Variants in CFAP299 observed in about 807,000 individuals in gnomAD.
The protein encoded by CFAP299 is cilia and flagella associated protein 299.
In CFAP299, 21 loss-of-function variants were observed where a neutral mutation model predicts 27.0. That is an observed-to-expected ratio of 0.78 (90% CI 0.55 to 1.12). CFAP299 has a LOEUF of 1.12. Among genes scored for constraint, CFAP299 ranks in the 50% most tolerant of loss-of-function variants. The pLI is 0.00. For missense variants in CFAP299, 310 were observed against 276.6 expected, an observed-to-expected ratio of 1.12 and a Z score of -0.86; for synonymous variants, 104 against 98.1, an observed-to-expected ratio of 1.06 and a Z score of -0.36.
intron 3 of CFAP299, among the ~76,000 whole-genome samples, chr4:80,856,704 A>T (rs1018925098): frequency 7.2e-5 from 11 of 152,196 alleles, no homozygotes; most frequent in Non-Finnish European, 1.2e-4. Context: ...CTCAAAGATC[A>T]GATAGTTGTA....
intron 2 of CFAP299, among the ~76,000 whole-genome samples, chr4:80,569,715 A>G (rs1400888772): frequency 1.3e-5 from 2 of 152,054 alleles, no homozygotes; most frequent in East Asian, 3.9e-4. Context: ...TTCCACATTA[A>G]TAGTAATATC....
At chr4:80,457,469 A>G (rs2110102727) in intron 2 of CFAP299, among the ~76,000 whole-genome samples, 1 of 152,282 alleles carries the variant, frequency 6.6e-6, no homozygotes, top group South Asian at 2.1e-4. Context: ...GCCCATGTGA[A>G]TGGAGGCAAG....
intron 3 of CFAP299, among the ~76,000 whole-genome samples, chr4:80,866,127 A>G (rs2110164323): frequency 7.6e-6 from 1 of 131,400 alleles, no homozygotes; most frequent in Admixed American, 8.5e-5. Context: ...TTTTACACAT[A>G]TGTAACCATA....
intron 3 of CFAP299, among the ~76,000 whole-genome samples, chr4:80,848,424 C>A (rs904023959): frequency 6.6e-6 from 1 of 152,102 alleles, no homozygotes; most frequent in Non-Finnish European, 1.5e-5. Context: ...AGGCTACCAA[C>A]CTGTGCAATG....
At chr4:80,366,819 C>A (rs1290754644) in intron 2 of CFAP299, among the ~76,000 whole-genome samples, 1 of 152,060 alleles carries the variant, frequency 6.6e-6, no homozygotes, top group Non-Finnish European at 1.5e-5. Context: ...AACCCATCAA[C>A]TGATGAATGG....
In CFAP299 at chr4:80,507,059, CA is replaced by C. The variant is rs541507823; in HGVS notation, c.243-76033del. ...AGTTTAAAGGAAGCAATTTCTTAAT[CA>C]TTTTAAACCCAATTTCAAGTTGTTC... is the stretch of plus-strand genomic sequence containing the variant. On this transcript the variant is annotated intron_variant, in intron 2 of 5. Coordinates refer to ENST00000358105, the MANE Select transcript of CFAP299 (RefSeq NM_152770.3). 6.4e-4 allele frequency among the ~76,000 whole-genome samples: 98 copies of C among 152,224 alleles called. 1 individual carries two copies. The highest frequency in any genetic ancestry group is 2.2e-3 in the African/African-American group (92 of 41,554).
At chr4:80,606,461 G>T (rs1198522150) in intron 3 of CFAP299, among the ~76,000 whole-genome samples, 1 of 152,212 alleles carries the variant, frequency 6.6e-6, no homozygotes, top group East Asian at 1.9e-4. Flanking sequence ...CTTGAACCTG[G>T]GAAGCAGAGG....
At chr4:80,427,506 C>G (rs1727584628) in intron 2 of CFAP299, among the ~76,000 whole-genome samples, 1 of 152,126 alleles carries the variant, frequency 6.6e-6, no homozygotes, top group South Asian at 2.1e-4. Flanking sequence ...ATCTCACGGA[C>G]CTTTTCAGGT....
At chr4:80,952,584 T>C (rs2110237690) in intron 5 of CFAP299, among the ~76,000 whole-genome samples, 1 of 152,318 alleles carries the variant, frequency 6.6e-6, no homozygotes, top group East Asian at 1.9e-4. Flanking sequence ...TGTCTATTAT[T>C]GTACAGGTGC....
chr4:80,864,526 A>G (rs1011298480), intron 3 of CFAP299, among the ~76,000 whole-genome samples: 45 of 147,602 alleles, frequency 3.0e-4, no homozygotes, highest in African/African-American at 9.1e-4. Flanking sequence ...ATACGTATAT[A>G]TACATATACG....
intron 3 of CFAP299, among the ~76,000 whole-genome samples, chr4:80,611,550 C>T (rs1737979768): frequency 1.3e-5 from 2 of 152,018 alleles, no homozygotes; most frequent in Non-Finnish European, 2.9e-5. Flanking sequence ...AGCAGGTGCA[C>T]CTGTGTAGCC....
At chr4:80,929,432 CCACTATACATCCAGTCTCTATGGCAT>C in intron 4 of CFAP299, among the ~76,000 whole-genome samples, 5 of 148,980 alleles carry the variant, frequency 3.4e-5, no homozygotes, top group African/African-American at 1.3e-4. Flanking sequence ...CTCTATGGCA[CCACTATACATCCAGTCTCTATGGCAT>C]CACTATCTAT....
At chr4:80,591,488 G>A (rs891054380) in intron 3 of CFAP299, among the ~76,000 whole-genome samples, 1 of 152,094 alleles carries the variant, frequency 6.6e-6, no homozygotes, top group Non-Finnish European at 1.5e-5. Context: ...GAACTTTGGC[G>A]TGGCACCTCA....
At chr4:80,834,694 A>G (rs1213485751) in intron 3 of CFAP299, among the ~76,000 whole-genome samples, 1 of 152,158 alleles carries the variant, frequency 6.6e-6, no homozygotes, top group Non-Finnish European at 1.5e-5. Flanking sequence ...TGGACTAATA[A>G]ATTATCACTA....
chr4:80,859,986 G>T (rs972904727), intron 3 of CFAP299, among the ~76,000 whole-genome samples: 1 of 152,120 alleles, frequency 6.6e-6, no homozygotes, highest in South Asian at 2.1e-4. Context: ...AGTTCTCCTG[G>T]ATAATATCCT....
intron 2 of CFAP299, among the ~76,000 whole-genome samples, chr4:80,395,972 A>G (rs1725761693): frequency 6.6e-6 from 1 of 152,044 alleles, no homozygotes; most frequent in Non-Finnish European, 1.5e-5. Flanking sequence ...TACACACACA[A>G]TGTCTTTCTC....
At chr4:80,904,649 T>C (rs909880289) in intron 4 of CFAP299, among the ~76,000 whole-genome samples, 2 of 152,132 alleles carry the variant, frequency 1.3e-5, no homozygotes, top group African/African-American at 4.8e-5. Context: ...TTCAGCATGT[T>C]TCTTATAGGC....
At chr4:80,697,061 C>A (rs1721142766) in intron 3 of CFAP299, among the ~76,000 whole-genome samples, 1 of 152,032 alleles carries the variant, frequency 6.6e-6, no homozygotes, top group South Asian at 2.1e-4. Context: ...AGAGTTATTT[C>A]TGCTGGGAGC....
At chr4:80,889,847 C>CAT (rs1298094334) in intron 4 of CFAP299, among the ~76,000 whole-genome samples, 2 of 152,062 alleles carry the variant, frequency 1.3e-5, no homozygotes, top group East Asian at 3.8e-4. Context: ...TGTAATACCT[C>CAT]ATATCAACAG....
Sources: allele counts gnomAD v4.1 joint callset (sites outside exome capture counted in the v4.1 genomes callset), GRCh38; gene constraint gnomAD v4.1.1; transcripts MANE v1.5; gene names NCBI Gene and HGNC (gene_info 2026-07-23, HGNC 2026-07-21).